PLEKHA8: variants seen among roughly 807,000 people sequenced by gnomAD.
PLEKHA8 encodes the protein pleckstrin homology domain containing A8.
A neutral mutation model predicts 68.2 loss-of-function variants in PLEKHA8; 36 were observed. The observed-to-expected ratio is 0.53, with a 90% CI of 0.40 to 0.70. PLEKHA8 has a LOEUF of 0.70. Among genes scored for constraint, PLEKHA8 ranks in the 30% least tolerant of loss-of-function variants. The pLI is 0.00. For synonymous variants in PLEKHA8, 211 were observed against 216.1 expected, an observed-to-expected ratio of 0.98 and a Z score of 0.20; for missense variants, 505 against 615.4, an observed-to-expected ratio of 0.82 and a Z score of 1.90.
chr7:30,081,604 T>C lies in PLEKHA8; in HGVS notation c.*2817T>C. The C allele has an allele frequency of 1.0e-6, 1 of 985,344 alleles. No homozygotes were observed. Among genetic ancestry groups the C allele is most frequent in the Non-Finnish European group, 1.2e-6 (1 of 829,822 alleles). 61.0% of individuals were successfully genotyped at this position (985,344 alleles called of 1,614,324 possible). ...CAACTAAATTTACTTTCACCATTAC[T>C]GTGAGAGGAGGTGAGAAAACTCTAG... On this transcript the variant is annotated 3_prime_UTR_variant, in exon 14 of 14. Transcript: ENST00000449726.
At chr7:30,037,833 C>T (rs1480408510) in intron 1 of PLEKHA8, among the ~76,000 whole-genome samples, 1 of 151,350 alleles carries the variant, frequency 6.6e-6, no homozygotes, top group Non-Finnish European at 1.5e-5. Context: ...GGTACATGTG[C>T]AGGTTTGTTA....
In PLEKHA8 at chr7:30,083,829, C is replaced by A; in HGVS notation, c.*5042C>A. 2 of 985,386 alleles carry A rather than the reference C, an allele frequency of 2.0e-6. No homozygotes were observed. Among genetic ancestry groups the A allele is most frequent in the Non-Finnish European group, 2.4e-6 (2 of 829,908 alleles). The allele number at this position is 985,386 out of a possible 1,614,324, so 61.0% of individuals were successfully genotyped here. On this transcript the variant is annotated 3_prime_UTR_variant, in exon 14 of 14. Coordinates refer to ENST00000449726, the MANE Select transcript of PLEKHA8 (RefSeq NM_001197026.2). ...GTCAGTATTTCCTCCCTGTACCTTACAAACAGAAACCACCCTGGGATGGTT... is the reference window on the plus strand; with the variant it reads ...GTCAGTATTTCCTCCCTGTACCTTAAAAACAGAAACCACCCTGGGATGGTT...
rs569569920 is a variant in PLEKHA8 at position 30,116,547 on chromosome 7, A to G, written c.1363-12719A>G. Among the ~76,000 whole-genome samples the G allele has an allele frequency of 2.2e-4, 33 of 152,292 alleles. No homozygotes were observed. The South Asian group carries it at 6.4e-3, about 30-fold the overall frequency. On this transcript the variant is annotated intron_variant, in intron 13 of 13. Transcript: ENST00000396257. ...CTGTTCTGCAAATCTACTCTTCTGC[A>G]CCTAGCAACCTAGAAATAAAAAAGG...
At chr7:30,107,760 A>G (rs940857983) in intron 13 of PLEKHA8, among the ~76,000 whole-genome samples, 11 of 151,818 alleles carry the variant, frequency 7.2e-5, no homozygotes, top group African/African-American at 2.7e-4. Flanking sequence ...TTATGAAGCA[A>G]TGTTTAATAT....
In PLEKHA8 at chr7:30,081,190, A is replaced by G. The variant is rs1379668233; in HGVS notation, c.*2403A>G. The stretch of plus-strand genomic sequence containing the variant: ...ATTGAGAACCCAGATCAGACAGAAT[A>G]GCTTGAATAAGTTACATTTTCCAAT... On this transcript the variant is annotated 3_prime_UTR_variant, in exon 14 of 14. Coordinates refer to ENST00000449726, the MANE Select transcript of PLEKHA8 (RefSeq NM_001197026.2). 4.1e-6 allele frequency: 4 copies of G among 985,302 alleles called. No individual in the cohort carries two copies. Among genetic ancestry groups the G allele is most frequent in the African/African-American group, 1.7e-5 (1 of 57,238 alleles). The allele number at this position is 985,302 out of a possible 1,614,324, so 61.0% of individuals were successfully genotyped here.
intron 13 of PLEKHA8, among the ~76,000 whole-genome samples, chr7:30,128,782 C>T (rs117934571): frequency 0.057 from 8,603 of 152,252 alleles, 374 homozygotes; most frequent in Non-Finnish European, 0.079. Flanking sequence ...ATGGCACCAA[C>T]ATCTGCACCT....
rs748234214 is a variant in PLEKHA8, at chr7:30,115,969, TGTGC to T, written c.1363-13296_1363-13293del. 828 of 127,912 alleles carry T rather than the reference TGTGC, an allele frequency of 6.5e-3. 73 individuals carry two copies. Among genetic ancestry groups the T allele is most frequent in the African/African-American group, 0.022 (778 of 34,578 alleles). 7.9% of individuals were successfully genotyped at this position (127,912 alleles called of 1,614,324 possible). A position where few individuals can be genotyped will look rare whatever the true frequency, so the allele number is the denominator to read the frequency against. On this transcript the variant is annotated intron_variant, in intron 13 of 13. Transcript: ENST00000396257. The stretch of plus-strand genomic sequence containing the variant: ...ACATACGCATACATGCATGCATACA[TGTGC>T]ATGCATGCATGTATGCATACGCATA...
At chr7:30,042,749 C>T (rs1160275242) in intron 1 of PLEKHA8, among the ~76,000 whole-genome samples, 1 of 152,216 alleles carries the variant, frequency 6.6e-6, no homozygotes, top group African/African-American at 2.4e-5. Context: ...TCAAAGACCT[C>T]TTCCTTTTCT....
intron 13 of PLEKHA8, among the ~76,000 whole-genome samples, chr7:30,096,934 A>G (rs946352331): frequency 3.9e-5 from 6 of 152,108 alleles, no homozygotes; most frequent in African/African-American, 1.4e-4. Context: ...TGGTCTTTAC[A>G]GTTTGGCATG....
At chr7:30,049,733 C>T (rs765736763) in intron 5 of PLEKHA8, among the ~76,000 whole-genome samples, 5 of 152,136 alleles carry the variant, frequency 3.3e-5, no homozygotes, top group Non-Finnish European at 5.9e-5. Context: ...TTAACCTAAG[C>T]GTTTCCAGTG....
chr7:30,083,381 C>CAACGTCATT lies in PLEKHA8; in HGVS notation c.*4596_*4604dup. On this transcript the variant is annotated 3_prime_UTR_variant, in exon 14 of 14. Transcript: ENST00000449726. ...ATTTTAAGACTGTTTATCTGTATCA[C>CAACGTCATT]AACGTCATTAGGAGTTCTTTCAACA... 1 of 983,666 alleles carries CAACGTCATT rather than the reference C, an allele frequency of 1.0e-6. No homozygotes were observed. The highest frequency in any genetic ancestry group is 1.2e-6 in the Non-Finnish European group (1 of 828,342). 60.9% of individuals were successfully genotyped at this position (983,666 alleles called of 1,614,324 possible). A position where few individuals can be genotyped will look rare whatever the true frequency, so the allele number is the denominator to read the frequency against.
At chr7:30,127,811 A>G (rs910930446) in intron 13 of PLEKHA8, among the ~76,000 whole-genome samples, 3 of 152,186 alleles carry the variant, frequency 2.0e-5, no homozygotes, top group African/African-American at 7.2e-5. Flanking sequence ...TTTTACATCT[A>G]TTTTTACATT....
Position 30,047,873 on chromosome 7 carries a change from G to C in PLEKHA8, c.355G>C (p.Glu119Gln). The C allele has an allele frequency of 6.2e-7, 1 of 1,609,760 alleles. No individual in the cohort carries two copies. ...NTENLKTKMSELRLYCDLLVQ... is the reference protein window; with the variant it reads ...NTENLKTKMSQLRLYCDLLVQ... ...TGAAAACTTGAAAACCAAAATGTCA[G>C]AACTAAGACTCTACTGTGACCTCCT... Residue 119 changes from glutamate (E) to glutamine (Q), a missense_variant, in exon 4 of 14, where the codon GAA becomes CAA. Physicochemically the swap from Glu to Gln is conservative, Grantham distance 29. Coordinates refer to ENST00000449726, the MANE Select transcript of PLEKHA8 (RefSeq NM_001197026.2).
intron 13 of PLEKHA8, among the ~76,000 whole-genome samples, chr7:30,127,427 A>T (rs1239217583): frequency 6.6e-6 from 1 of 152,244 alleles, no homozygotes; most frequent in Non-Finnish European, 1.5e-5. Context: ...ATCATTTGGG[A>T]TTCCTTATTA....
In PLEKHA8 at chr7:30,083,371, ATC is replaced by A. The variant is rs888546176; in HGVS notation, c.*4586_*4587del. ...GTCTAATGGTATTTTAAGACTGTTT[ATC>A]TGTATCACAACGTCATTAGGAGTTC... On this transcript the variant is annotated 3_prime_UTR_variant, in exon 14 of 14. Transcript: ENST00000449726. The A allele has an allele frequency of 5.9e-5, 58 of 983,920 alleles. No individual in the cohort carries two copies. Among genetic ancestry groups the A allele is most frequent in the Non-Finnish European group, 5.6e-5 (46 of 828,672 alleles). 60.9% of individuals were successfully genotyped at this position (983,920 alleles called of 1,614,324 possible). A position where few individuals can be genotyped will look rare whatever the true frequency, so the allele number is the denominator to read the frequency against.
At chr7:30,033,565 G>A (rs1239642611) in intron 1 of PLEKHA8, among the ~76,000 whole-genome samples, 1 of 152,004 alleles carries the variant, frequency 6.6e-6, no homozygotes, top group Non-Finnish European at 1.5e-5. Context: ...TGTTCTTTTT[G>A]TTTTTGTTTT....
At chr7:30,076,940 T>A (rs1197922898) in intron 13 of PLEKHA8, among the ~76,000 whole-genome samples, 1 of 152,208 alleles carries the variant, frequency 6.6e-6, no homozygotes, top group Non-Finnish European at 1.5e-5. Flanking sequence ...TTTCAGCAGT[T>A]ATACTCTACT....
intron 13 of PLEKHA8, 132 bp downstream of exon 13, chr7:30,074,264 G>GTT (rs1429275835): frequency 1.5e-6 from 1 of 683,374 alleles, no homozygotes; most frequent in East Asian, 2.8e-5. Flanking sequence ...GTGTGTGTGT[G>GTT]TGTGTGTGTA....
rs1259816796 is a variant in PLEKHA8 at position 30,028,454 on chromosome 7, C to T, written c.-309C>T. 1 of 306,676 alleles carries T rather than the reference C, an allele frequency of 3.3e-6. No individual in the cohort carries two copies. The highest frequency in any genetic ancestry group is 2.2e-5 in the African/African-American group (1 of 45,972). 19.0% of individuals were successfully genotyped at this position (306,676 alleles called of 1,614,324 possible). A position where few individuals can be genotyped will look rare whatever the true frequency, so the allele number is the denominator to read the frequency against. ...CCTGCGACCGGCAGCTCGTTCGCCG[C>T]ACTTTGGAGGCTTCGGCTGCCCCTC... On this transcript the variant is annotated 5_prime_UTR_variant, in exon 1 of 14. Transcript: ENST00000449726.
Sources: allele counts gnomAD v4.1 joint callset (sites outside exome capture counted in the v4.1 genomes callset), GRCh38; gene constraint gnomAD v4.1.1; transcripts MANE v1.5; gene names NCBI Gene and HGNC (gene_info 2026-07-23, HGNC 2026-07-21).